KSR2: variants seen among roughly 807,000 people sequenced by gnomAD.
KSR2 encodes the protein kinase suppressor of ras 2.
A neutral mutation model predicts 107.8 loss-of-function variants in KSR2; 25 were observed. That is an observed-to-expected ratio of 0.23 (90% CI 0.17 to 0.32). The LOEUF (loss-of-function observed/expected upper bound fraction) is 0.32. Ranked by LOEUF, KSR2 falls within the 10% of genes least tolerant of loss-of-function variation. The pLI, the probability that KSR2 is intolerant of heterozygous loss-of-function variation, is 1.00. For synonymous variants in KSR2, 480 were observed against 507.0 expected (o/e 0.95, Z 0.71); for missense variants, 887 against 1,268.9 (o/e 0.70, Z 4.57).
chr12:117,952,146 A>G (rs577598193), intron 1 of KSR2, among the ~76,000 whole-genome samples: 2 of 145,940 alleles, frequency 1.4e-5, no homozygotes, highest in South Asian at 4.4e-4. Flanking sequence ...TAGATCTTAA[A>G]TGTTCTCATC....
chr12:117,864,421 T>A (rs1566057290), intron 1 of KSR2, among the ~76,000 whole-genome samples: 1 of 152,222 alleles, frequency 6.6e-6, no homozygotes. Context: ...AATGTGTGTA[T>A]ATGTATACAT....
intron 1 of KSR2, among the ~76,000 whole-genome samples, chr12:117,960,395 A>C (rs1896624926): frequency 6.6e-6 from 1 of 152,190 alleles, no homozygotes; most frequent in South Asian, 2.1e-4. Flanking sequence ...ACATTAGCAA[A>C]GGTTGCAGAA....
chr12:117,863,446 C>T (rs963415624), intron 1 of KSR2, among the ~76,000 whole-genome samples: 10 of 152,152 alleles, frequency 6.6e-5, no homozygotes, highest in Non-Finnish European at 1.2e-4. Context: ...CAGCAGTGAG[C>T]GGAGAAACCA....
At chr12:117,830,103 A>G (rs1891904288) in intron 3 of KSR2, among the ~76,000 whole-genome samples, 1 of 152,128 alleles carries the variant, frequency 6.6e-6, no homozygotes, top group African/African-American at 2.4e-5. Flanking sequence ...CCCCGCCTCT[A>G]CTAAAAATAC....
chr12:117,893,968 G>T, intron 1 of KSR2, among the ~76,000 whole-genome samples: 1 of 147,332 alleles, frequency 6.8e-6, no homozygotes, highest in Admixed American at 6.8e-5. Flanking sequence ...AGAATGCAGT[G>T]GCGCGATCTC....
In KSR2 at chr12:117,917,782, T is replaced by A. The variant is rs188198464; in HGVS notation, c.180+50294A>T. Among the ~76,000 whole-genome samples, 243 of 152,262 alleles carry A rather than the reference T, an allele frequency of 1.6e-3. 2 individuals are homozygous for A. The highest frequency in any genetic ancestry group is 5.7e-3 in the African/African-American group (237 of 41,568). On this transcript the variant is annotated intron_variant, in intron 1 of 19. Coordinates refer to ENST00000339824, the MANE Select transcript of KSR2 (RefSeq NM_173598.6). Reference sequence around the variant, plus strand: ...AGCCTTACTGTACATGGCCGAGCCATGCCCCATTCTCCCCCATCACCCGAG... The same window carrying A: ...AGCCTTACTGTACATGGCCGAGCCAAGCCCCATTCTCCCCCATCACCCGAG...
chr12:117,700,946 C>G (rs1316962160), intron 4 of KSR2, among the ~76,000 whole-genome samples: 2 of 152,182 alleles, frequency 1.3e-5, no homozygotes, highest in African/African-American at 2.4e-5. Flanking sequence ...AACATTACCC[C>G]TCTCCATCAC....
chr12:117,554,171 C>T (rs1236068986), intron 9 of KSR2, among the ~76,000 whole-genome samples: 1 of 152,138 alleles, frequency 6.6e-6, no homozygotes, highest in Non-Finnish European at 1.5e-5. Flanking sequence ...TGAGGCTGGG[C>T]ATACCCCCGG....
At chr12:117,774,861 T>C (rs907178471) in intron 3 of KSR2, among the ~76,000 whole-genome samples, 2 of 152,192 alleles carry the variant, frequency 1.3e-5, no homozygotes, top group African/African-American at 4.8e-5. Context: ...CTAAACTATT[T>C]TCTGTCTCTG....
intron 3 of KSR2, among the ~76,000 whole-genome samples, chr12:117,830,630 C>G (rs914136099): frequency 6.6e-6 from 1 of 152,092 alleles, no homozygotes; most frequent in Non-Finnish European, 1.5e-5. Context: ...GCGTCATTTC[C>G]AGATGATTAA....
intron 3 of KSR2, among the ~76,000 whole-genome samples, chr12:117,826,425 A>G (rs930348655): frequency 6.6e-6 from 1 of 152,096 alleles, no homozygotes; most frequent in Non-Finnish European, 1.5e-5. Context: ...GTCTTTGATA[A>G]GCAAGGCAGG....
intron 4 of KSR2, among the ~76,000 whole-genome samples, chr12:117,708,146 T>C (rs758716941): frequency 6.6e-6 from 1 of 152,250 alleles, no homozygotes; most frequent in Admixed American, 6.5e-5. Context: ...TCATGTGGTA[T>C]GACAGTTTGG....
chr12:117,503,176 C>T (rs1195147032), intron 14 of KSR2, among the ~76,000 whole-genome samples: 2 of 152,060 alleles, frequency 1.3e-5, no homozygotes, highest in Admixed American at 6.6e-5. Context: ...AGGTTTCAGA[C>T]CCAGTTTTGA....
chr12:117,696,884 G>A (rs1337978557), intron 4 of KSR2, among the ~76,000 whole-genome samples: 2 of 152,118 alleles, frequency 1.3e-5, no homozygotes, highest in Non-Finnish European at 2.9e-5. Context: ...CTGGGTCGCT[G>A]GGAGGGTTTC....
At chr12:117,838,909 G>A (rs896921924) in intron 3 of KSR2, among the ~76,000 whole-genome samples, 2 of 152,162 alleles carry the variant, frequency 1.3e-5, no homozygotes, top group East Asian at 1.9e-4. Context: ...TGGGCCATAC[G>A]GTCTCTGTCA....
chr12:117,938,452 G>A (rs574687215), intron 1 of KSR2, among the ~76,000 whole-genome samples: 9 of 151,888 alleles, frequency 5.9e-5, no homozygotes, highest in East Asian at 1.9e-4. Flanking sequence ...CCAGAGGTTC[G>A]AGATCAGCCT....
chr12:117,866,038 C>CTT (rs397838492), intron 1 of KSR2, among the ~76,000 whole-genome samples: 2 of 124,232 alleles, frequency 1.6e-5, no homozygotes, highest in South Asian at 2.4e-4. Context: ...TAATCTCTCT[C>CTT]TTTTTTTTTT....
chr12:117,758,633 G>A (rs1004798986), intron 4 of KSR2, among the ~76,000 whole-genome samples: 2 of 152,164 alleles, frequency 1.3e-5, no homozygotes, highest in South Asian at 4.1e-4. Flanking sequence ...AACACTAAAG[G>A]TGGCCAAGTC....
At chr12:117,925,579 CATA>C (rs1354761327) in intron 1 of KSR2, among the ~76,000 whole-genome samples, 2 of 152,096 alleles carry the variant, frequency 1.3e-5, no homozygotes, top group African/African-American at 4.8e-5. Context: ...TGGTATTTTA[CATA>C]ATAATAATTA....
Sources: gnomAD v4.1 joint callset for allele counts (sites outside exome capture counted in the v4.1 genomes callset) on GRCh38, gnomAD v4.1.1 for gene constraint, MANE v1.5 for transcripts, NCBI Gene and HGNC (gene_info 2026-07-23, HGNC 2026-07-21) for gene names.